Variants in CNTNAP5 observed in about 807,000 individuals in gnomAD.
CNTNAP5 encodes contactin-associated protein-like 5.
Under a neutral mutation model 150.2 loss-of-function variants are expected in CNTNAP5, and 72 were observed. The observed-to-expected ratio is 0.48, with a 90% confidence interval of 0.40 to 0.58. The LOEUF is 0.58. Ranked by LOEUF, CNTNAP5 falls within the 20% of genes least tolerant of loss-of-function variation. The pLI is 0.00. For missense variants in CNTNAP5, 1,636 were observed against 1,626.2 expected (o/e 1.01, Z -0.10); for synonymous variants, 672 against 619.8 (o/e 1.08, Z -1.25).
chr2:124,510,325 C>CTATATATA (rs1184644428), intron 8 of CNTNAP5, among the ~76,000 whole-genome samples: 1 of 8,314 alleles, frequency 1.2e-4, no homozygotes, highest in Non-Finnish European at 3.0e-4. Context: ...ATATATCTAT[C>CTATATATA]TATATATATA....
intron 1 of CNTNAP5, among the ~76,000 whole-genome samples, chr2:124,066,811 T>G (rs1444130208): frequency 6.6e-6 from 1 of 152,152 alleles, no homozygotes; most frequent in Non-Finnish European, 1.5e-5. Flanking sequence ...TTGTGCACTG[T>G]AAAAATTATT....
chr2:124,102,435 A>G (rs1683084994), intron 1 of CNTNAP5, among the ~76,000 whole-genome samples: 1 of 152,180 alleles, frequency 6.6e-6, no homozygotes, highest in Non-Finnish European at 1.5e-5. Context: ...TTCAGCGACC[A>G]GGCTCTTCAT....
chr2:124,406,069 C>T (rs76790403), intron 3 of CNTNAP5, among the ~76,000 whole-genome samples: 3,489 of 152,146 alleles, frequency 0.023, 48 homozygotes, highest in Non-Finnish European at 0.035. Flanking sequence ...TTCTAATTTC[C>T]GTTTAGATTT....
chr2:124,267,168 T>C (rs1194950105), intron 3 of CNTNAP5, among the ~76,000 whole-genome samples: 1 of 152,138 alleles, frequency 6.6e-6, no homozygotes, highest in African/African-American at 2.4e-5. Flanking sequence ...CCTGATGGGG[T>C]GTCCCACTGC....
At chr2:124,640,285 A>T (rs1360304344) in intron 12 of CNTNAP5, among the ~76,000 whole-genome samples, 3 of 152,202 alleles carry the variant, frequency 2.0e-5, no homozygotes, top group Admixed American at 1.3e-4. Flanking sequence ...CCCTGAAAAG[A>T]TACATAAAAA....
At chr2:124,176,525 C>T (rs1036882330) in intron 1 of CNTNAP5, among the ~76,000 whole-genome samples, 1 of 152,140 alleles carries the variant, frequency 6.6e-6, no homozygotes, top group African/African-American at 2.4e-5. Context: ...GAAAGGCATA[C>T]AAATTTACTT....
rs562044997 is a variant in CNTNAP5, at chr2:124,916,199, C to T, written c.*1911C>T. The stretch of plus-strand genomic sequence containing the variant: ...AATTTTCTGTGGATTTGAGCTCAAT[C>T]GCTTTATCATCTACATGATATCTTT... On this transcript the variant is annotated 3_prime_UTR_variant, in exon 24 of 24. Transcript: ENST00000682447. Among the ~76,000 whole-genome samples the T allele has an allele frequency of 2.0e-5, 3 of 151,506 alleles. No homozygotes were observed. Among genetic ancestry groups the T allele is most frequent in the South Asian group, 4.1e-4 (2 of 4,822 alleles).
intron 7 of CNTNAP5, among the ~76,000 whole-genome samples, chr2:124,489,977 T>A (rs1171950725): frequency 6.6e-6 from 1 of 152,108 alleles, no homozygotes; most frequent in Non-Finnish European, 1.5e-5. Flanking sequence ...AGTCATCCAG[T>A]TGAGCACATT....
At chr2:124,872,378 G>C (rs1220847710) in intron 21 of CNTNAP5, among the ~76,000 whole-genome samples, 4 of 46,432 alleles carry the variant, frequency 8.6e-5, no homozygotes, top group Non-Finnish European at 4.0e-5. Context: ...CTTATGCTGT[G>C]TGTGTGTGTG....
At chr2:124,579,262 A>G (rs1397612520) in intron 11 of CNTNAP5, among the ~76,000 whole-genome samples, 2 of 152,222 alleles carry the variant, frequency 1.3e-5, no homozygotes, top group Non-Finnish European at 1.5e-5. Flanking sequence ...ATTCCTCATG[A>G]TAGGCTCTAT....
At chr2:124,269,112 G>T (rs1361878909) in intron 3 of CNTNAP5, among the ~76,000 whole-genome samples, 1 of 152,084 alleles carries the variant, frequency 6.6e-6, no homozygotes, top group Non-Finnish European at 1.5e-5. Context: ...CATTGTGATT[G>T]AAAGGAATTA....
intron 12 of CNTNAP5, among the ~76,000 whole-genome samples, chr2:124,641,149 G>C (rs1341047528): frequency 3.8e-5 from 4 of 106,064 alleles, no homozygotes; most frequent in Non-Finnish European, 5.9e-5. Context: ...AAAAAAAAAA[G>C]ACAAAAAAAA....
At position 124,225,616 on chromosome 2, in the gene CNTNAP5, C is replaced by T. The variant is rs201294475; in HGVS notation, c.187+3807C>T. ...ACATCCATCACCTCATGTAGTTATC[C>T]TTTTCTTTGTTTTGTAGTGAGAACA... On this transcript the variant is annotated intron_variant, in intron 2 of 23. Coordinates refer to ENST00000682447, the MANE Select transcript of CNTNAP5 (RefSeq NM_001367498.1). Among the ~76,000 whole-genome samples the T allele has an allele frequency of 2.6e-5, 4 of 152,178 alleles. No individual in the cohort carries two copies. In the East Asian group the frequency reaches 5.8e-4, roughly 22 times the overall value.
At chr2:124,805,776 G>A (rs925854190) in intron 19 of CNTNAP5, among the ~76,000 whole-genome samples, 8 of 152,132 alleles carry the variant, frequency 5.3e-5, no homozygotes, top group South Asian at 4.1e-4. Flanking sequence ...CAGTGTTGGC[G>A]TCTGTTGAGG....
chr2:124,580,425 G>A (rs1696385066), intron 11 of CNTNAP5, among the ~76,000 whole-genome samples: 1 of 152,222 alleles, frequency 6.6e-6, no homozygotes, highest in South Asian at 2.1e-4. Flanking sequence ...ATGCCAAGCT[G>A]TAACCAATTT....
At chr2:124,202,974 C>T (rs1156989629) in intron 1 of CNTNAP5, among the ~76,000 whole-genome samples, 2 of 152,134 alleles carry the variant, frequency 1.3e-5, no homozygotes, top group Non-Finnish European at 2.9e-5. Context: ...ACCTTCCCAA[C>T]AGTCGCCCAA....
At chr2:124,897,808 T>G (rs1300209440) in intron 21 of CNTNAP5, among the ~76,000 whole-genome samples, 3 of 151,538 alleles carry the variant, frequency 2.0e-5, no homozygotes, top group African/African-American at 7.3e-5. Flanking sequence ...TGACCTTATG[T>G]GTTTTGTCTT....
At chr2:124,188,817 T>G (rs1035342434) in intron 1 of CNTNAP5, among the ~76,000 whole-genome samples, 2 of 150,952 alleles carry the variant, frequency 1.3e-5, no homozygotes, top group Admixed American at 1.3e-4. Flanking sequence ...GAGGGTTATC[T>G]CAGCACCAGG....
intron 5 of CNTNAP5, among the ~76,000 whole-genome samples, chr2:124,437,303 A>G (rs1034415895): frequency 6.6e-6 from 1 of 152,136 alleles, no homozygotes; most frequent in African/African-American, 2.4e-5. Flanking sequence ...TCTCTCTGAC[A>G]ATGGGGTATA....
Sources: allele counts gnomAD v4.1 joint callset (sites outside exome capture counted in the v4.1 genomes callset), GRCh38; gene constraint gnomAD v4.1.1; transcripts MANE v1.5; gene names NCBI Gene and HGNC (gene_info 2026-07-23, HGNC 2026-07-21).